Variants in BLTP3A observed in about 807,000 individuals in gnomAD.
The protein encoded by BLTP3A is ICBP90 binding protein 1.
At chr6:34,803,357 T>C in the BLTP3A span, among the ~76,000 whole-genome samples, 1 of 152,146 alleles carries the variant, frequency 6.6e-6, no homozygotes, top group Non-Finnish European at 1.5e-5. Flanking sequence ...TTTTCCCTAC[T>C]ATATGTCTCT....
the BLTP3A span, among the ~76,000 whole-genome samples, chr6:34,852,039 A>G: frequency 1.6e-4 from 24 of 152,014 alleles, no homozygotes; most frequent in Admixed American, 1.4e-3. Context: ...TCTCTGGCCC[A>G]GGGCAGGTCC....
the BLTP3A span, among the ~76,000 whole-genome samples, chr6:34,845,909 T>C: frequency 1.3e-5 from 2 of 151,940 alleles, no homozygotes; most frequent in African/African-American, 4.8e-5. Context: ...ATTTTTAAAT[T>C]TTTTATAGAA....
the BLTP3A span, among the ~76,000 whole-genome samples, chr6:34,849,742 CTT>C: frequency 6.6e-6 from 1 of 152,118 alleles, no homozygotes; most frequent in Non-Finnish European, 1.5e-5. Context: ...TTTAGCATTT[CTT>C]ATAGGACACA....
chr6:34,810,699 GCTCAAGCATT>G, the BLTP3A span, among the ~76,000 whole-genome samples: 1 of 152,080 alleles, frequency 6.6e-6, no homozygotes, highest in African/African-American at 2.4e-5. Flanking sequence ...AAACTCCTGG[GCTCAAGCATT>G]CCTCCTGCCT....
At chr6:34,821,535 A>C in the BLTP3A span, 1 of 989,886 alleles carries the variant, frequency 1.0e-6, no homozygotes, top group Non-Finnish European at 1.5e-6. Flanking sequence ...TCACTTGACT[A>C]GCCTTAACAA....
At chr6:34,796,480 T>C in the BLTP3A span, among the ~76,000 whole-genome samples, 1 of 152,250 alleles carries the variant, frequency 6.6e-6, no homozygotes, top group African/African-American at 2.4e-5. Flanking sequence ...ATAGCTTTAA[T>C]GCCCAGTATT....
chr6:34,871,544 G>T, the BLTP3A span: 1 of 1,590,146 alleles, frequency 6.3e-7, no homozygotes, highest in Non-Finnish European at 8.6e-7. Flanking sequence ...ATTGCTCTGA[G>T]CTGGTGGGGG....
At chr6:34,861,331 G>C in the BLTP3A span, among the ~76,000 whole-genome samples, 83 of 152,166 alleles carry the variant, frequency 5.5e-4, no homozygotes, top group African/African-American at 2.0e-3. Context: ...TTGCCATGTT[G>C]CCCAGGCTAG....
chr6:34,846,556 T>C, the BLTP3A span, among the ~76,000 whole-genome samples: 2 of 152,238 alleles, frequency 1.3e-5, no homozygotes, highest in African/African-American at 4.8e-5. Flanking sequence ...TTGATTTCTT[T>C]TTCAGATTGT....
the BLTP3A span, among the ~76,000 whole-genome samples, chr6:34,793,583 C>T: frequency 7.7e-3 from 1,169 of 152,248 alleles, 21 homozygotes; most frequent in African/African-American, 0.026. Flanking sequence ...GGTTAATCAC[C>T]ACGTAGTAAA....
At chr6:34,797,848 A>G in the BLTP3A span, among the ~76,000 whole-genome samples, 2 of 152,246 alleles carry the variant, frequency 1.3e-5, no homozygotes, top group African/African-American at 4.8e-5. Context: ...GGAAGCACAG[A>G]AAAGTTAAAT....
At chr6:34,831,370 C>G in the BLTP3A span, among the ~76,000 whole-genome samples, 1 of 152,128 alleles carries the variant, frequency 6.6e-6, no homozygotes. Context: ...TCAGGTGATC[C>G]ACCCGCCTCG....
the BLTP3A span, chr6:34,857,933 G>T: frequency 6.2e-7 from 1 of 1,607,198 alleles, no homozygotes; most frequent in South Asian, 1.1e-5. Flanking sequence ...GGGAGAGTGT[G>T]ACTTTTATCC....
At chr6:34,846,209 A>G in the BLTP3A span, among the ~76,000 whole-genome samples, 1 of 149,702 alleles carries the variant, frequency 6.7e-6, no homozygotes, top group Non-Finnish European at 1.5e-5. Context: ...CTGTGGCGCA[A>G]TCTCAGCTCA....
chr6:34,807,591 A>G, the BLTP3A span, among the ~76,000 whole-genome samples: 90 of 152,378 alleles, frequency 5.9e-4, no homozygotes, highest in East Asian at 7.7e-3. Context: ...TGTTCTTTCA[A>G]CTGGCCCAGT....
At chr6:34,853,971 C>A in the BLTP3A span, among the ~76,000 whole-genome samples, 4 of 152,286 alleles carry the variant, frequency 2.6e-5, no homozygotes, top group South Asian at 6.2e-4. Flanking sequence ...AGTTTGTAAT[C>A]CCTGCACTTT....
chr6:34,829,827 A>G, the BLTP3A span, among the ~76,000 whole-genome samples: 3 of 147,952 alleles, frequency 2.0e-5, no homozygotes, highest in African/African-American at 7.5e-5. Flanking sequence ...TTTTCAAGAC[A>G]AGAGTCTCGC....
the BLTP3A span, among the ~76,000 whole-genome samples, chr6:34,824,507 G>A: frequency 6.9e-6 from 1 of 145,460 alleles, no homozygotes; most frequent in Non-Finnish European, 1.5e-5. Flanking sequence ...GCAGTGAGCC[G>A]AGATCGCGCC....
At chr6:34,859,489 T>A in the BLTP3A span, 11 of 1,614,042 alleles carry the variant, frequency 6.8e-6, no homozygotes, top group Admixed American at 1.8e-4. Flanking sequence ...GGAAGCTGTG[T>A]CCCTGACTAA....
Sources: gnomAD v4.1 joint callset for allele counts (sites outside exome capture counted in the v4.1 genomes callset) on GRCh38, gnomAD v4.1.1 for gene constraint, MANE v1.5 for transcripts, NCBI Gene and HGNC (gene_info 2026-07-23, HGNC 2026-07-21) for gene names.